The following CACNG6 variants were observed in gnomAD, a reference collection of about 807,000 sequenced individuals.
The protein encoded by CACNG6 is calcium voltage-gated channel auxiliary subunit gamma 6, also known as voltage-dependent calcium channel gamma-6 subunit.
A neutral mutation model predicts 23.9 loss-of-function variants in CACNG6; 21 were observed. The ratio of observed to expected loss-of-function variants is 0.88; its 90% CI spans 0.62 to 1.26. The LOEUF is 1.26. Ranked by LOEUF, CACNG6 falls within the 50% of genes most tolerant of loss-of-function variation. The pLI, the probability that CACNG6 is intolerant of heterozygous loss-of-function variation, is 0.00. For missense variants in CACNG6, 340 were observed against 352.9 expected, an observed-to-expected ratio of 0.96 and a Z score of 0.29; for synonymous variants, 182 against 168.9, an observed-to-expected ratio of 1.08 and a Z score of -0.60.
chr19:54,004,802 G>C (rs2145962804), intron 3 of CACNG6, among the ~76,000 whole-genome samples: 1 of 152,180 alleles, frequency 6.6e-6, no homozygotes, highest in African/African-American at 2.4e-5. Context: ...TCGTTTCCTC[G>C]CATTGTTTAA....
chr19:54,007,432 G>A (rs1284163758), intron 3 of CACNG6, among the ~76,000 whole-genome samples: 1 of 152,202 alleles, frequency 6.6e-6, no homozygotes, highest in Non-Finnish European at 1.5e-5. Flanking sequence ...CAACTTTTTT[G>A]TGGAGGACAC....
At chr19:54,005,907 T>C (rs1173789395) in intron 3 of CACNG6, among the ~76,000 whole-genome samples, 1 of 151,762 alleles carries the variant, frequency 6.6e-6, no homozygotes, top group African/African-American at 2.4e-5. Context: ...CTGACCAACA[T>C]GGTGAAACCC....
rs1436530879 is a variant in CACNG6 at position 53,992,191 on chromosome 19, GT to G, written c.-686del. 6.6e-6 allele frequency: 1 copy of G among 152,250 alleles called. No homozygotes were observed. Among genetic ancestry groups the G allele is most frequent in the Non-Finnish European group, 1.5e-5 (1 of 68,102 alleles). 9.4% of individuals were successfully genotyped at this position (152,250 alleles called of 1,614,324 possible). On this transcript the variant is annotated 5_prime_UTR_variant, in exon 1 of 4. It removes the in-frame stop codon of an upstream open reading frame in the 5' UTR. Transcript: ENST00000252729. This position sits in a 1 kb window ranked among gnomAD's most constrained non-coding sequence, Gnocchi z 4.1. ...TTCTTCTCCTTCTGTGGATGCCGGGGTCCTACTGCCTCTCTTGAGACCCGGA... is the reference window on the plus strand; with the variant it reads ...TTCTTCTCCTTCTGTGGATGCCGGGGCCTACTGCCTCTCTTGAGACCCGGA...
chr19:53,999,482 G>A, intron 2 of CACNG6, 152 bp from the exon 3 acceptor site: 1 of 844,210 alleles, frequency 1.2e-6, no homozygotes, highest in Admixed American at 2.3e-5. Flanking sequence ...CTTCAACAGT[G>A]TAAGTAAAAT....
At chr19:54,006,122 A>AT (rs1555819029) in intron 3 of CACNG6, among the ~76,000 whole-genome samples, 1 of 151,440 alleles carries the variant, frequency 6.6e-6, no homozygotes, top group Non-Finnish European at 1.5e-5. Flanking sequence ...AAATAAATAA[A>AT]ATAAGAAAGA....
Position 53,995,278 on chromosome 19 carries a change from A to C in CACNG6, c.331+2070A>C, listed in dbSNP as rs942705016. 4.6e-5 allele frequency among the ~76,000 whole-genome samples: 7 copies of C among 152,202 alleles called. No individual in the cohort carries two copies. The East Asian group carries it at 5.8e-4, about 13-fold the overall frequency. On this transcript the variant is annotated intron_variant, in intron 1 of 3. Coordinates refer to ENST00000252729, the MANE Select transcript of CACNG6 (RefSeq NM_145814.2). The stretch of plus-strand genomic sequence containing the variant: ...GCATCCCTTGCTGTCCCCTCCATTG[A>C]TCAGAAAGGACTTCAGTCTTCCAGC...
intron 1 of CACNG6, among the ~76,000 whole-genome samples, 162 bp from the exon 2 acceptor site, chr19:53,998,077 C>T (rs779395578): frequency 2.0e-5 from 3 of 151,980 alleles, no homozygotes; most frequent in Non-Finnish European, 2.9e-5. Flanking sequence ...GCAGTGTGGT[C>T]GCAGGTGGCT....
intron 3 of CACNG6, among the ~76,000 whole-genome samples, chr19:54,000,046 T>C (rs372146484): frequency 1.4e-4 from 21 of 152,260 alleles, no homozygotes; most frequent in Middle Eastern, 3.4e-3. Context: ...GGTTCAAAGA[T>C]GGGAGAACCC....
At chr19:54,001,311 C>T (rs1477972686) in intron 3 of CACNG6, among the ~76,000 whole-genome samples, 1 of 151,998 alleles carries the variant, frequency 6.6e-6, no homozygotes, top group African/African-American at 2.4e-5. Context: ...GACTCAGCCT[C>T]CCAAGTAGCT....
intron 3 of CACNG6, among the ~76,000 whole-genome samples, chr19:54,004,335 TTGTGTGTG>T (rs4022332): frequency 0.098 from 10,506 of 107,000 alleles, 715 homozygotes; most frequent in Admixed American, 0.19. Flanking sequence ...TTTTGTATTT[TTGTGTGTG>T]TGTGTGTGTG....
At chr19:54,000,788 C>T (rs1045630162) in intron 3 of CACNG6, among the ~76,000 whole-genome samples, 3 of 152,088 alleles carry the variant, frequency 2.0e-5, no homozygotes, top group African/African-American at 4.8e-5. Context: ...CCACATAAGC[C>T]AGGCTGGTCT....
intron 3 of CACNG6, among the ~76,000 whole-genome samples, chr19:54,008,676 G>A (rs2069672700): frequency 6.6e-6 from 1 of 152,180 alleles, no homozygotes; most frequent in Non-Finnish European, 1.5e-5. Flanking sequence ...CTTCTGCTCG[G>A]AACAGCCGTT....
intron 3 of CACNG6, among the ~76,000 whole-genome samples, chr19:54,003,293 T>G (rs1316986008): frequency 2.0e-5 from 3 of 152,110 alleles, no homozygotes; most frequent in Admixed American, 6.6e-5. Flanking sequence ...TGCGAGAGTG[T>G]GGGAGGAGCA....
chr19:53,992,066 G>A lies in CACNG6; in HGVS notation c.-812G>A, dbSNP rs1373706741. Among the ~76,000 whole-genome samples, 2 of 152,198 alleles carry A rather than the reference G, an allele frequency of 1.3e-5. No individual in the cohort carries two copies. The highest frequency in any genetic ancestry group is 2.9e-5 in the Non-Finnish European group (2 of 68,024). On this transcript the variant is annotated 5_prime_UTR_variant, in exon 1 of 4. Coordinates refer to ENST00000252729, the MANE Select transcript of CACNG6 (RefSeq NM_145814.2). The surrounding 1 kb of genome is among the most constrained non-coding windows in gnomAD (Gnocchi z 4.1). ...ACCGGCCCCTTTTCCAGGCTCAGTA[G>A]AGACCTCGGATCTTTTCTGAATGGC...
chr19:53,999,504 T>A, intron 2 of CACNG6, 130 bp from the exon 3 acceptor site: 1 of 1,026,174 alleles, frequency 9.7e-7, no homozygotes, highest in Non-Finnish European at 1.4e-6. Context: ...TTGGGCTGGA[T>A]GATACTCTAC....
At chr19:54,000,559 G>T (rs527297849) in intron 3 of CACNG6, among the ~76,000 whole-genome samples, 1 of 152,150 alleles carries the variant, frequency 6.6e-6, no homozygotes, top group African/African-American at 2.4e-5. Context: ...TATTAGGCAG[G>T]GCTTACTATC....
At chr19:53,993,396 C>T (rs902884597) in intron 1 of CACNG6, among the ~76,000 whole-genome samples, 188 bp downstream of exon 1, 2 of 152,072 alleles carry the variant, frequency 1.3e-5, no homozygotes, top group African/African-American at 4.8e-5. Flanking sequence ...ATAGAGGGAT[C>T]CCCCAGATAT....
Position 54,002,291 on chromosome 19 carries a change from T to G in CACNG6, c.544+2520T>G, listed in dbSNP as rs1367163681. On this transcript the variant is annotated intron_variant, in intron 3 of 3. Coordinates refer to ENST00000252729, the MANE Select transcript of CACNG6 (RefSeq NM_145814.2). ...GGTTTTTTTGTTTTTTTTGTTTTTT[T>G]TTTTTTTGTAGAGATAGGGTTTCGC... Among the ~76,000 whole-genome samples the G allele has an allele frequency of 4.5e-4, 60 of 134,582 alleles. 2 individuals are homozygous for G. The highest frequency in any genetic ancestry group is 5.4e-4 in the Non-Finnish European group (34 of 62,524). 88.3% of individuals were successfully genotyped at this position (134,582 alleles called of 152,430 possible). A position where few individuals can be genotyped will look rare whatever the true frequency, so the allele number is the denominator to read the frequency against.
intron 3 of CACNG6, among the ~76,000 whole-genome samples, chr19:54,011,227 T>TATATATATATATATAC (rs1442985544): frequency 8.4e-5 from 8 of 95,282 alleles, no homozygotes; most frequent in African/African-American, 4.0e-4. Context: ...TATATATATA[T>TATATATATATATATAC]ACACACACAC....
Sources: allele counts gnomAD v4.1 joint callset (sites outside exome capture counted in the v4.1 genomes callset), GRCh38; gene constraint gnomAD v4.1.1; non-coding constraint Gnocchi (gnomAD v3.1); transcripts MANE v1.5; gene names NCBI Gene and HGNC (gene_info 2026-07-23, HGNC 2026-07-21).